Variants in KCNQ2 observed in about 807,000 individuals in gnomAD.
The protein encoded by KCNQ2 is potassium voltage-gated channel subfamily KQT member 2.
In KCNQ2, 14 loss-of-function variants were observed where a neutral mutation model predicts 84.8. That is an observed-to-expected ratio of 0.17 (90% CI 0.11 to 0.26). The LOEUF (loss-of-function observed/expected upper bound fraction) is 0.26. Among genes scored for constraint, KCNQ2 ranks in the 10% least tolerant of loss-of-function variants. The pLI, the probability that KCNQ2 is intolerant of heterozygous loss-of-function variation, is 1.00. For synonymous variants in KCNQ2, 599 were observed against 554.1 expected (o/e 1.08, Z -1.14); for missense variants, 788 against 1,254.0 (o/e 0.63, Z 5.61).
chr20:63,400,961 T>C lies in KCNQ2; in HGVS notation c.*5683A>G. 1 of 397,938 alleles carries C rather than the reference T, an allele frequency of 2.5e-6. No homozygotes were observed. The highest frequency in any genetic ancestry group is 4.4e-6 in the Non-Finnish European group (1 of 225,692). 24.7% of individuals were successfully genotyped at this position (397,938 alleles called of 1,614,324 possible). On this transcript the variant is annotated 3_prime_UTR_variant, in exon 17 of 17. Transcript: ENST00000359125. This position sits in a 1 kb window ranked among gnomAD's most constrained non-coding sequence, Gnocchi z 8.7. Reference sequence around the variant, plus strand: ...TGTCCACATGCATTAAGGCAACGACTTTGTAAAACCCAGGCGGAGTTGGCG... The same window carrying C: ...TGTCCACATGCATTAAGGCAACGACCTTGTAAAACCCAGGCGGAGTTGGCG...
Position 63,437,947 on chromosome 20 carries a change from T to C in KCNQ2, c.1023+678A>G, listed in dbSNP as rs1313165593. On this transcript the variant is annotated intron_variant, in intron 7 of 16. Transcript: ENST00000359125. ...GCTTCAGCCTCCCGAGTAGCTGGGA[T>C]TACAGACGCACGCCACCACGCCCAG... Among the ~76,000 whole-genome samples the C allele has an allele frequency of 4.6e-5, 7 of 152,264 alleles. No individual in the cohort carries two copies. In the East Asian group the frequency reaches 1.2e-3, roughly 25 times the overall value.
intron 9 of KCNQ2, among the ~76,000 whole-genome samples, chr20:63,429,719 C>T (rs1297871128): frequency 1.3e-5 from 2 of 152,186 alleles, no homozygotes; most frequent in Non-Finnish European, 2.9e-5. Context: ...GGTGATCACC[C>T]TACTGCCGAC....
At position 63,446,165 on chromosome 20, in the gene KCNQ2, C is replaced by A; in HGVS notation, c.387+582G>T. 3.7e-6 allele frequency: 1 copy of A among 270,248 alleles called. No homozygotes were observed. 16.7% of individuals were successfully genotyped at this position (270,248 alleles called of 1,614,324 possible). A position where few individuals can be genotyped will look rare whatever the true frequency, so the allele number is the denominator to read the frequency against. On this transcript the variant is annotated intron_variant, in intron 2 of 16. Transcript: ENST00000359125. The surrounding 1 kb of genome is among the most constrained non-coding windows in gnomAD (Gnocchi z 5.5). ...CAGCAGGGCTGAGCTGAGGGAAGGC[C>A]CCAGGTAACTGCAAAGGGGGCCACA...
At chr20:63,442,779 CCACCACCAT>C (rs2081226989) in intron 4 of KCNQ2, among the ~76,000 whole-genome samples, 2 of 23,270 alleles carry the variant, frequency 8.6e-5, no homozygotes, top group Non-Finnish European at 1.6e-4. Context: ...ACCATCACCA[CCACCACCAT>C]CACCATTACC....
In KCNQ2 at chr20:63,401,659, A is replaced by T. The variant is rs2079811326; in HGVS notation, c.*4985T>A. On this transcript the variant is annotated 3_prime_UTR_variant, in exon 17 of 17. Coordinates refer to ENST00000359125, the MANE Select transcript of KCNQ2 (RefSeq NM_172107.4). ...ACCCCCATGCCCTGGACATACGTGCATGTGACCTGGGAGTTCTGCATGGGT... is the reference window on the plus strand; with the variant it reads ...ACCCCCATGCCCTGGACATACGTGCTTGTGACCTGGGAGTTCTGCATGGGT... 1 of 158,614 alleles carries T rather than the reference A, an allele frequency of 6.3e-6. No homozygotes were observed. Among genetic ancestry groups the T allele is most frequent in the South Asian group, 1.7e-4 (1 of 5,926 alleles). 9.8% of individuals were successfully genotyped at this position (158,614 alleles called of 1,614,324 possible). A position where few individuals can be genotyped will look rare whatever the true frequency, so the allele number is the denominator to read the frequency against.
intron 1 of KCNQ2, among the ~76,000 whole-genome samples, chr20:63,456,115 A>C (rs1341757030): frequency 4.6e-4 from 21 of 45,362 alleles, no homozygotes; most frequent in South Asian, 8.1e-4. Flanking sequence ...CGGGCCCCCC[A>C]CCTCCGGGAG....
chr20:63,411,047 C>T (rs752738932), intron 15 of KCNQ2: 14 of 455,852 alleles, frequency 3.1e-5, no homozygotes, highest in East Asian at 6.9e-5. Context: ...GGAGCTGGGC[C>T]GCACCTCTGT....
At position 63,402,386 on chromosome 20, in the gene KCNQ2, A is replaced by C. The variant is rs1380880226; in HGVS notation, c.*4258T>G. 6.6e-6 allele frequency: 1 copy of C among 152,558 alleles called. No individual in the cohort carries two copies. 9.5% of individuals were successfully genotyped at this position (152,558 alleles called of 1,614,324 possible). A position where few individuals can be genotyped will look rare whatever the true frequency, so the allele number is the denominator to read the frequency against. The stretch of plus-strand genomic sequence containing the variant: ...CTCTGTACGGCATTCATAGCTCAGG[A>C]GGGCGGGGACAAGGGCGTTTCTGCA... On this transcript the variant is annotated 3_prime_UTR_variant, in exon 17 of 17. Transcript: ENST00000359125.
intron 10 of KCNQ2, among the ~76,000 whole-genome samples, chr20:63,427,482 C>A (rs1329104107): frequency 2.0e-5 from 3 of 152,264 alleles, no homozygotes; most frequent in Admixed American, 6.5e-5. Context: ...GAGTGTGTAA[C>A]AACAGATGTT....
chr20:63,414,969 C>G lies in KCNQ2; in HGVS notation c.1459G>C (p.Gly487Arg), dbSNP rs765301241. The stretch of plus-strand genomic sequence containing the variant: ...GCCTGGCGTGCCCGGCTGCGGTCCC[C>G]GAAGCTCCAGCTCTTGGGCACCTTG... The part of the protein sequence containing the change: ...PSKVPKSWSF[G>R]DRSRARQAFR... The change falls in exon 13 of 17, where the codon GGG becomes CGG. Residue 487 changes from glycine (G) to arginine (R), a missense_variant. Coordinates refer to ENST00000359125, the MANE Select transcript of KCNQ2 (RefSeq NM_172107.4). This position sits in a 1 kb window ranked among gnomAD's most constrained non-coding sequence, Gnocchi z 6.6. 2 of 1,612,296 alleles carry G rather than the reference C, an allele frequency of 1.2e-6. No individual in the cohort carries two copies. The highest frequency in any genetic ancestry group is 1.7e-6 in the Non-Finnish European group (2 of 1,179,958).
chr20:63,454,085 C>T (rs962807692), intron 1 of KCNQ2, among the ~76,000 whole-genome samples: 7 of 152,214 alleles, frequency 4.6e-5, no homozygotes, highest in African/African-American at 1.7e-4. Context: ...AGAATGCAGC[C>T]GGATGCGGCC....
chr20:63,464,895 C>A (rs1443495484), intron 1 of KCNQ2, among the ~76,000 whole-genome samples: 1 of 152,252 alleles, frequency 6.6e-6, no homozygotes, highest in Non-Finnish European at 1.5e-5. Context: ...CCAGTCCCGT[C>A]CTCTCCACAG....
intron 9 of KCNQ2, 84 bp downstream of exon 9, chr20:63,431,256 C>A: frequency 6.6e-7 from 1 of 1,522,080 alleles, no homozygotes; most frequent in East Asian, 2.2e-5. Context: ...GGCCACGGGG[C>A]TCCAGGGGCT....
chr20:63,421,491 T>C (rs149329391), intron 11 of KCNQ2, among the ~76,000 whole-genome samples: 2,886 of 152,210 alleles, frequency 0.019, 37 homozygotes, highest in Non-Finnish European at 0.027. Context: ...CAGCTGGCAC[T>C]GGGCTTCCTT....
rs2079858307 is a variant in KCNQ2, at chr20:63,403,774, C to A, written c.*2870G>T. The stretch of plus-strand genomic sequence containing the variant: ...ACATGTATGTGAGCACGTGTGTGTG[C>A]CAGTGGGCACGTAGGGATGTGCACT... On this transcript the variant is annotated 3_prime_UTR_variant, in exon 17 of 17. Coordinates refer to ENST00000359125, the MANE Select transcript of KCNQ2 (RefSeq NM_172107.4). 1.3e-5 allele frequency: 2 copies of A among 152,300 alleles called. No homozygotes were observed. Among genetic ancestry groups the A allele is most frequent in the Admixed American group, 6.5e-5 (1 of 15,290 alleles). The allele number at this position is 152,300 out of a possible 1,614,324, so 9.4% of individuals were successfully genotyped here.
chr20:63,423,178 C>T (rs1218101991), intron 11 of KCNQ2, among the ~76,000 whole-genome samples: 4 of 152,272 alleles, frequency 2.6e-5, no homozygotes, highest in East Asian at 3.9e-4. Context: ...AAGCATTGCC[C>T]GTCTTTCCAG....
chr20:63,449,928 A>T (rs1262449792), intron 1 of KCNQ2, among the ~76,000 whole-genome samples: 1 of 151,864 alleles, frequency 6.6e-6, no homozygotes, highest in South Asian at 2.1e-4. Flanking sequence ...TTGGGCCCAC[A>T]TCTGACACAC....
chr20:63,418,806 G>A lies in KCNQ2; in HGVS notation c.1301+813C>T, dbSNP rs537823146. Among the ~76,000 whole-genome samples the A allele has an allele frequency of 3.9e-5, 6 of 152,306 alleles. No individual in the cohort carries two copies. In the East Asian group the frequency reaches 1.2e-3, roughly 29 times the overall value. ...CACAGGGAGAGGGTGGCATGGAGTC[G>A]CGGGCCCCCCATGGAGCAGGGTCCG... On this transcript the variant is annotated intron_variant, in intron 12 of 16. Coordinates refer to ENST00000359125, the MANE Select transcript of KCNQ2 (RefSeq NM_172107.4).
At chr20:63,411,055 T>C (rs549698596) in intron 15 of KCNQ2, 54 of 453,616 alleles carry the variant, frequency 1.2e-4, no homozygotes, top group African/African-American at 1.1e-3. Context: ...GCCGCACCTC[T>C]GTTCTGCCCA....
Sources: gnomAD v4.1 joint callset for allele counts (sites outside exome capture counted in the v4.1 genomes callset) on GRCh38, gnomAD v4.1.1 for gene constraint, Gnocchi (gnomAD v3.1) non-coding constraint, MANE v1.5 for transcripts, NCBI Gene and HGNC (gene_info 2026-07-23, HGNC 2026-07-21) for gene names.